Variants in RAI1 observed in about 807,000 individuals in gnomAD.
RAI1 encodes retinoic acid-induced protein 1.
In RAI1, 9 loss-of-function variants were observed where a neutral mutation model predicts 123.8. That is an observed-to-expected ratio of 0.07 (90% CI 0.04 to 0.13). RAI1 has a LOEUF of 0.13. Ranked by LOEUF, RAI1 falls within the 10% of genes least tolerant of loss-of-function variation. RAI1 has a pLI of 1.00. For missense variants in RAI1, 2,256 were observed against 2,545.8 expected, an observed-to-expected ratio of 0.89 and a Z score of 2.45; for synonymous variants, 1,231 against 1,127.3, an observed-to-expected ratio of 1.09 and a Z score of -1.84.
chr17:17,788,521 C>G (rs11652656), intron 2 of RAI1, among the ~76,000 whole-genome samples: 6,099 of 152,316 alleles, frequency 0.04, 191 homozygotes, highest in Non-Finnish European at 0.06. Context: ...GACTCCTCCT[C>G]TGCCCTGTCC....
chr17:17,806,017 C>T (rs1263791508), intron 4 of RAI1, among the ~76,000 whole-genome samples: 15 of 152,228 alleles, frequency 9.9e-5, no homozygotes. Flanking sequence ...GCTCCATGTC[C>T]TATGTTCTTT....
intron 2 of RAI1, among the ~76,000 whole-genome samples, chr17:17,791,570 AC>A (rs1484036485): frequency 6.6e-6 from 1 of 152,094 alleles, no homozygotes; most frequent in Non-Finnish European, 1.5e-5. Flanking sequence ...GGGAACCAGC[AC>A]TGGAAAGTCC....
At chr17:17,765,586 T>C (rs1200280210) in intron 2 of RAI1, among the ~76,000 whole-genome samples, 2 of 152,148 alleles carry the variant, frequency 1.3e-5, no homozygotes, top group Admixed American at 1.3e-4. Flanking sequence ...GCAAGAATAG[T>C]TGTATAATAT....
Position 17,681,627 on chromosome 17 carries a change from G to C in RAI1, c.-315G>C, listed in dbSNP as rs932958631. 1.9e-5 allele frequency: 4 copies of C among 213,188 alleles called. No homozygotes were observed. Among genetic ancestry groups the C allele is most frequent in the African/African-American group, 7.1e-5 (3 of 42,264 alleles). The allele number at this position is 213,188 out of a possible 1,614,324, so 13.2% of individuals were successfully genotyped here. On this transcript the variant is annotated 5_prime_UTR_variant, in exon 1 of 6. Coordinates refer to ENST00000353383, the MANE Select transcript of RAI1 (RefSeq NM_030665.4). ...GCGAGCCGAGCAGGCCGCCCTGCCCGCGGCCCTAGCGCCGGCGCGAGGAGG... is the reference window on the plus strand; with the variant it reads ...GCGAGCCGAGCAGGCCGCCCTGCCCCCGGCCCTAGCGCCGGCGCGAGGAGG...
At chr17:17,723,242 A>AC (rs1248763000) in intron 1 of RAI1, among the ~76,000 whole-genome samples, 1 of 146,774 alleles carries the variant, frequency 6.8e-6, no homozygotes, top group Non-Finnish European at 1.5e-5. Context: ...GAGTCACACA[A>AC]CCCCCCTATA....
At position 17,797,470 on chromosome 17, in the gene RAI1, T is replaced by G; in HGVS notation, c.4522T>G (p.Ser1508Ala). ...AAAGATGGAGGAGCTGGGCCTGGCCTCCCAGCCCCCGGAGGGCAGGCCCTG... is the reference window on the plus strand; with the variant it reads ...AAAGATGGAGGAGCTGGGCCTGGCCGCCCAGCCCCCGGAGGGCAGGCCCTG... ...KPKMEELGLA[S>A]QPPEGRPCQP... Residue 1508 changes from serine (S) to alanine (A), a missense_variant, in exon 3 of 6, where the codon TCC (serine) becomes GCC (alanine). This residue lies in a region of RAI1 where 410 missense variants were observed against 374.6 expected (regional missense o/e 1.09). Coordinates refer to ENST00000353383, the MANE Select transcript of RAI1 (RefSeq NM_030665.4). 6.2e-7 allele frequency: 1 copy of G among 1,612,928 alleles called. No homozygotes were observed. Among genetic ancestry groups the G allele is most frequent in the Non-Finnish European group, 8.5e-7 (1 of 1,179,782 alleles).
At chr17:17,768,829 C>T (rs77854428) in intron 2 of RAI1, among the ~76,000 whole-genome samples, 4 of 152,302 alleles carry the variant, frequency 2.6e-5, no homozygotes, top group African/African-American at 4.8e-5. Context: ...CACTTCTTCC[C>T]GGCAGGGTGG....
chr17:17,729,997 G>A (rs1598040511), intron 2 of RAI1, among the ~76,000 whole-genome samples: 1 of 152,140 alleles, frequency 6.6e-6, no homozygotes, highest in Admixed American at 6.5e-5. Flanking sequence ...ACAGTATCAC[G>A]AGGCATCAGA....
At chr17:17,759,903 C>A (rs1443502687) in intron 2 of RAI1, among the ~76,000 whole-genome samples, 1 of 152,186 alleles carries the variant, frequency 6.6e-6, no homozygotes, top group African/African-American at 2.4e-5. Context: ...TAAATTGAGT[C>A]TTGGGGTAAG....
At chr17:17,790,879 G>A (rs1253593335) in intron 2 of RAI1, among the ~76,000 whole-genome samples, 1 of 152,160 alleles carries the variant, frequency 6.6e-6, no homozygotes, top group Admixed American at 6.5e-5. Context: ...CAGGGCAGGA[G>A]CGTGAGGCTG....
At chr17:17,727,628 G>A (rs1916137379) in intron 2 of RAI1, among the ~76,000 whole-genome samples, 1 of 152,178 alleles carries the variant, frequency 6.6e-6, no homozygotes, top group African/African-American at 2.4e-5. Flanking sequence ...AAAAGCTGAG[G>A]ATCCAAAGCA....
intron 2 of RAI1, chr17:17,777,723 T>A (rs2031399647): frequency 6.6e-6 from 1 of 152,178 alleles, no homozygotes; most frequent in Non-Finnish European, 1.5e-5. Flanking sequence ...GGGATTAGCT[T>A]ATCCCAGCTT....
rs114171621 is a variant in RAI1, at chr17:17,742,222, G to A, written c.-17+18063G>A. Among the ~76,000 whole-genome samples, 1,024 of 152,312 alleles carry A rather than the reference G, an allele frequency of 6.7e-3. 10 individuals are homozygous for A. The highest frequency in any genetic ancestry group is 0.023 in the African/African-American group (976 of 41,554). ...AGGCAGTGCCACATGGCTTTGCCCT[G>A]CTTGCCCCACCCTGGCCTGTCCACT... On this transcript the variant is annotated intron_variant, in intron 2 of 5. Transcript: ENST00000353383.
chr17:17,796,476 G>A lies in RAI1; in HGVS notation c.3528G>A (p.Lys1176=). 6.2e-7 allele frequency: 1 copy of A among 1,611,886 alleles called. No homozygotes were observed. Among genetic ancestry groups the A allele is most frequent in the Non-Finnish European group, 8.5e-7 (1 of 1,179,892 alleles). ...GRLPNCRATK[K]LLDNSHLPAT... ...TCCCCAACTGCCGTGCCACCAAGAA[G>A]CTCCTCGACAACAGCCACTTGCCCG... The change falls in exon 3 of 6, where the codon AAG becomes AAA. Residue 1176 remains lysine, a synonymous_variant. Coordinates refer to ENST00000353383, the MANE Select transcript of RAI1 (RefSeq NM_030665.4). This position sits in a 1 kb window ranked among gnomAD's most constrained non-coding sequence, Gnocchi z 5.8.
chr17:17,757,024 C>G (rs1254286232), intron 2 of RAI1, among the ~76,000 whole-genome samples: 1 of 152,168 alleles, frequency 6.6e-6, no homozygotes, highest in Non-Finnish European at 1.5e-5. Context: ...ACACTTCACC[C>G]TATCTCCGCG....
intron 1 of RAI1, among the ~76,000 whole-genome samples, chr17:17,721,312 GA>G (rs1297196476): frequency 3.3e-5 from 5 of 152,218 alleles, no homozygotes; most frequent in African/African-American, 1.2e-4. Flanking sequence ...AGTGCTTATG[GA>G]ATGTATACCA....
Position 17,793,335 on chromosome 17 carries a change from A to G in RAI1, c.387A>G (p.Pro129=), listed in dbSNP as rs199605856. Residue 129 remains proline (P), a synonymous_variant, in exon 3 of 6, where the codon CCA becomes CCG. Coordinates refer to ENST00000353383, the MANE Select transcript of RAI1 (RefSeq NM_030665.4). ...QAWGAPQPPP[P]QPQPLPAGVA... Reference sequence around the variant, plus strand: ...GGGGGGCCCCACAGCCACCACCCCCACAGCCGCAGCCACTACCTGCAGGGG... The same window carrying G: ...GGGGGGCCCCACAGCCACCACCCCCGCAGCCGCAGCCACTACCTGCAGGGG... The G allele has an allele frequency of 4.5e-5, 72 of 1,612,472 alleles. No individual in the cohort carries two copies. The Middle Eastern group carries it at 1.2e-3, about 26-fold the overall frequency.
At chr17:17,732,742 A>G (rs1238749141) in intron 2 of RAI1, among the ~76,000 whole-genome samples, 2 of 152,066 alleles carry the variant, frequency 1.3e-5, no homozygotes, top group East Asian at 3.9e-4. Flanking sequence ...TCACCAGTTA[A>G]ACCTGCTTCG....
chr17:17,765,725 G>A (rs1330027939), intron 2 of RAI1: 1 of 152,230 alleles, frequency 6.6e-6, no homozygotes, highest in Non-Finnish European at 1.5e-5. Flanking sequence ...CTGGGGCCTC[G>A]GGCTGGGGTT....
Sources: allele counts gnomAD v4.1 joint callset (sites outside exome capture counted in the v4.1 genomes callset), GRCh38; gene constraint gnomAD v4.1.1; regional missense constraint gnomAD v4.1.1; non-coding constraint Gnocchi (gnomAD v3.1); transcripts MANE v1.5; gene names NCBI Gene and HGNC (gene_info 2026-07-23, HGNC 2026-07-21).